Variants in TEAD1 observed in about 807,000 individuals in gnomAD.
TEAD1 encodes the protein transcriptional enhancer factor TEF-1.
In TEAD1, 9 loss-of-function variants were observed where a neutral mutation model predicts 54.9. The observed-to-expected ratio is 0.16, with a 90% CI of 0.10 to 0.29. TEAD1 has a LOEUF of 0.29. Ranked by LOEUF, TEAD1 falls within the 10% of genes least tolerant of loss-of-function variation. TEAD1 has a pLI of 1.00. For missense variants in TEAD1, 387 were observed against 535.9 expected (o/e 0.72, Z 2.74); for synonymous variants, 200 against 187.8 (o/e 1.07, Z -0.53).
intron 3 of TEAD1, among the ~76,000 whole-genome samples, chr11:12,856,464 G>C (rs569754029): frequency 2.8e-4 from 43 of 152,268 alleles, no homozygotes; most frequent in African/African-American, 1.0e-3. Flanking sequence ...GCCTTGGGAA[G>C]GTAGGCAGAT....
At chr11:12,723,707 C>T (rs1396795935) in intron 2 of TEAD1, among the ~76,000 whole-genome samples, 1 of 152,136 alleles carries the variant, frequency 6.6e-6, no homozygotes, top group East Asian at 1.9e-4. Context: ...TAGTCATGCT[C>T]CTTCAACTTA....
intron 10 of TEAD1, chr11:12,904,839 G>T: frequency 2.8e-6 from 1 of 356,228 alleles, no homozygotes; most frequent in Non-Finnish European, 5.4e-6. Context: ...TATCGTACAT[G>T]ATCACCAAAC....
At chr11:12,774,036 T>G (rs1012147129) in intron 3 of TEAD1, among the ~76,000 whole-genome samples, 4 of 152,228 alleles carry the variant, frequency 2.6e-5, no homozygotes, top group African/African-American at 9.6e-5. Context: ...ACAGTTGTTA[T>G]GGCTTGGTCG....
At chr11:12,769,980 AAAAG>A (rs897165462) in intron 3 of TEAD1, among the ~76,000 whole-genome samples, 35 of 152,332 alleles carry the variant, frequency 2.3e-4, no homozygotes, top group African/African-American at 8.4e-4. Context: ...TGGCTAGAAA[AAAAG>A]AAGGAAAAAA....
intron 3 of TEAD1, among the ~76,000 whole-genome samples, chr11:12,769,695 T>A (rs1013552491): frequency 1.2e-4 from 18 of 152,154 alleles, no homozygotes; most frequent in Admixed American, 9.8e-4. Context: ...GAACATCATG[T>A]GGCATCTTTG....
chr11:12,811,215 G>C (rs1590174305), intron 3 of TEAD1, among the ~76,000 whole-genome samples: 1 of 152,338 alleles, frequency 6.6e-6, no homozygotes, highest in East Asian at 1.9e-4. Flanking sequence ...TTTCGCTGAA[G>C]CTTTCAGAAG....
At chr11:12,930,094 G>A (rs1948987361) in intron 11 of TEAD1, 80 bp from the exon 12 acceptor site, 3 of 1,556,492 alleles carry the variant, frequency 1.9e-6, no homozygotes, top group African/African-American at 2.7e-5. Context: ...AAACTAAAAT[G>A]CTTTTATGGG....
At chr11:12,907,424 C>A (rs1040769507) in intron 10 of TEAD1, among the ~76,000 whole-genome samples, 2 of 152,190 alleles carry the variant, frequency 1.3e-5, no homozygotes, top group Non-Finnish European at 2.9e-5. Flanking sequence ...CTGAGTGTTA[C>A]AGAGACTCTG....
At chr11:12,908,881 C>CTTTTTTTTTT (rs1564986691) in intron 10 of TEAD1, among the ~76,000 whole-genome samples, 2 of 74,314 alleles carry the variant, frequency 2.7e-5, no homozygotes, top group African/African-American at 6.2e-5. Flanking sequence ...TTCAAATTAT[C>CTTTTTTTTTT]TGTTTTTTTT....
At chr11:12,777,911 C>T (rs924718712) in intron 3 of TEAD1, among the ~76,000 whole-genome samples, 3 of 152,104 alleles carry the variant, frequency 2.0e-5, no homozygotes, top group African/African-American at 7.2e-5. Flanking sequence ...TGATAGGGAC[C>T]TTTTGAAATG....
chr11:12,754,419 C>T (rs1944943398), intron 2 of TEAD1, among the ~76,000 whole-genome samples: 1 of 152,028 alleles, frequency 6.6e-6, no homozygotes, highest in African/African-American at 2.4e-5. Context: ...ATGCTCAGAT[C>T]CATTAGAAAT....
chr11:12,802,892 G>A (rs565388555), intron 3 of TEAD1, among the ~76,000 whole-genome samples: 24 of 152,252 alleles, frequency 1.6e-4, no homozygotes, highest in Non-Finnish European at 2.9e-4. Context: ...TAGTTTTTCA[G>A]TTTAGCTTAT....
rs956830526 is a variant in TEAD1, at chr11:12,845,660, G to A, written c.203-16590G>A. ...TAAGGGTTTATTAAGTGTGGAAACC[G>A]TACTGTTGTTGTAAAACAGTTTTCA... On this transcript the variant is annotated intron_variant, in intron 3 of 12. Transcript: ENST00000527636. 1.4e-4 allele frequency among the ~76,000 whole-genome samples: 22 copies of A among 152,320 alleles called. 2 individuals carry two copies. Among genetic ancestry groups the A allele is most frequent in the Admixed American group, 1.2e-3 (19 of 15,308 alleles).
At chr11:12,870,760 C>T (rs963003085) in intron 5 of TEAD1, among the ~76,000 whole-genome samples, 2 of 152,116 alleles carry the variant, frequency 1.3e-5, no homozygotes, top group African/African-American at 4.8e-5. Flanking sequence ...GCAGTGTGCA[C>T]CGGCAGTTAT....
In TEAD1 at chr11:12,864,617, T is replaced by TTTTTGTTTTGTTTTGTTTTG. The variant is rs78050843; in HGVS notation, c.268-197_268-178dup. On this transcript the variant is annotated intron_variant, in intron 4 of 12. Coordinates refer to ENST00000527636, the MANE Select transcript of TEAD1 (RefSeq NM_021961.6). ...GTAGCGATTTTATATTTGATTTCCTTTTTTGTTTTGTTTTGTTTTGTTTTG... is the reference window on the plus strand; with the variant it reads ...GTAGCGATTTTATATTTGATTTCCTTTTTTGTTTTGTTTTGTTTTGTTTTGTTTTGTTTTGTTTTGTTTTG... The TTTTTGTTTTGTTTTGTTTTG allele has an allele frequency of 6.1e-3, 5,806 of 954,806 alleles. 86 individuals carry two copies. The highest frequency in any genetic ancestry group is 8.2e-3 in the Admixed American group (254 of 30,934). The allele number at this position is 954,806 out of a possible 1,614,324, so 59.1% of individuals were successfully genotyped here.
Position 12,804,647 on chromosome 11 carries a change from C to T in TEAD1, c.202+40213C>T, listed in dbSNP as rs117578199. ...GCTTCTGCAGAAGCGAGTGTTACCT[C>T]GGAGTGTGCAGATAGAGGAGGATGC... is the stretch of plus-strand genomic sequence containing the variant. On this transcript the variant is annotated intron_variant, in intron 3 of 12. Coordinates refer to ENST00000527636, the MANE Select transcript of TEAD1 (RefSeq NM_021961.6). Among the ~76,000 whole-genome samples, 883 of 152,248 alleles carry T rather than the reference C, an allele frequency of 5.8e-3. 4 individuals carry two copies. The highest frequency in any genetic ancestry group is 0.01 in the Non-Finnish European group (681 of 68,024).
chr11:12,700,344 A>G (rs1164356320), intron 2 of TEAD1, among the ~76,000 whole-genome samples: 3 of 152,186 alleles, frequency 2.0e-5, no homozygotes, highest in Non-Finnish European at 4.4e-5. Context: ...TCATCCATTT[A>G]AACCCTTTTG....
intron 2 of TEAD1, among the ~76,000 whole-genome samples, chr11:12,731,147 C>T (rs1285772461): frequency 6.6e-6 from 1 of 152,152 alleles, no homozygotes; most frequent in Admixed American, 6.5e-5. Flanking sequence ...ATCCATTAAT[C>T]TGAATTCCCT....
rs1295582203 is a variant in TEAD1, at chr11:12,814,775, CTCTGTGTGTGTGTGTGTGTGTG to C, written c.203-47473_203-47452del. Among the ~76,000 whole-genome samples, 396 of 142,246 alleles carry C rather than the reference CTCTGTGTGTGTGTGTGTGTGTG, an allele frequency of 2.8e-3. 8 individuals are homozygous for C. The highest frequency in any genetic ancestry group is 7.4e-3 in the African/African-American group (278 of 37,380). 93.3% of individuals were successfully genotyped at this position (142,246 alleles called of 152,430 possible). A position where few individuals can be genotyped will look rare whatever the true frequency, so the allele number is the denominator to read the frequency against. ...CCAGCCACCCCTGACCATCGCAGAGCTCTGTGTGTGTGTGTGTGTGTGTGTGTGTGTGTGTGTGTGTGTGTGT... is the reference window on the plus strand; with the variant it reads ...CCAGCCACCCCTGACCATCGCAGAGCTGTGTGTGTGTGTGTGTGTGTGTGT... On this transcript the variant is annotated intron_variant, in intron 3 of 12. Coordinates refer to ENST00000527636, the MANE Select transcript of TEAD1 (RefSeq NM_021961.6).
Sources: gnomAD v4.1 joint callset for allele counts (sites outside exome capture counted in the v4.1 genomes callset) on GRCh38, gnomAD v4.1.1 for gene constraint, MANE v1.5 for transcripts, NCBI Gene and HGNC (gene_info 2026-07-23, HGNC 2026-07-21) for gene names.